CNTNAP4: variants seen among roughly 807,000 people sequenced by gnomAD.
The protein encoded by CNTNAP4 is contactin-associated protein-like 4.
CNTNAP4 carries 98 observed loss-of-function variants against 148.4 expected under a neutral mutation model. That is an observed-to-expected ratio of 0.66 (90% confidence interval 0.56 to 0.78). The LOEUF (loss-of-function observed/expected upper bound fraction) is 0.78. Ranked by LOEUF, CNTNAP4 falls within the 30% of genes least tolerant of loss-of-function variation. CNTNAP4 has a pLI of 0.00. For missense variants in CNTNAP4, 1,935 were observed against 1,565.6 expected (o/e 1.24, Z -3.98); for synonymous variants, 730 against 565.1 (o/e 1.29, Z -4.14).
chr16:76,335,187 C>T (rs1170684023), intron 2 of CNTNAP4, among the ~76,000 whole-genome samples: 1 of 152,092 alleles, frequency 6.6e-6, no homozygotes. Context: ...GCTGGTTGAT[C>T]TTGTAAAAGG....
chr16:76,385,547 AGTGTGTGTGTGTGTGTGT>A (rs3035895), intron 3 of CNTNAP4, among the ~76,000 whole-genome samples: 7 of 148,892 alleles, frequency 4.7e-5, no homozygotes, highest in Admixed American at 2.0e-4. Context: ...TTTAATTAGA[AGTGTGTGTGTGTGTGTGT>A]GTGTGTGTGT....
intron 4 of CNTNAP4, among the ~76,000 whole-genome samples, chr16:76,432,890 T>C (rs943454330): frequency 1.3e-5 from 2 of 152,138 alleles, no homozygotes; most frequent in Non-Finnish European, 2.9e-5. Context: ...CTAGCCATGA[T>C]TTTATGATTT....
At chr16:76,473,846 T>G (rs562048351) in intron 10 of CNTNAP4, among the ~76,000 whole-genome samples, 88 of 6,850 alleles carry the variant, frequency 0.013, no homozygotes, top group African/African-American at 0.013. Flanking sequence ...GTAGGTTTTT[T>G]TTTTGTTTTG....
intron 8 of CNTNAP4, among the ~76,000 whole-genome samples, chr16:76,457,135 A>G (rs776327430): frequency 1.7e-4 from 26 of 152,206 alleles, no homozygotes; most frequent in Non-Finnish European, 2.5e-4. Context: ...TTCAAATTCT[A>G]TGATTTCTCC....
At position 76,546,069 on chromosome 16, in the gene CNTNAP4, A is replaced by C. The variant is rs1054038776; in HGVS notation, c.3442+5279A>C. Among the ~76,000 whole-genome samples, 4 of 152,132 alleles carry C rather than the reference A, an allele frequency of 2.6e-5. No homozygotes were observed. In the South Asian group the frequency reaches 6.2e-4, roughly 24 times the overall value. On this transcript the variant is annotated intron_variant, in intron 21 of 23. Coordinates refer to ENST00000611870, the MANE Select transcript of CNTNAP4 (RefSeq NM_033401.5). ...AGAAAAACTAAAAAGTGCCCACACC[A>C]GGAATAAGTAAAAAATAAAGCCCCG...
At chr16:76,295,017 G>C (rs1597105251) in intron 1 of CNTNAP4, among the ~76,000 whole-genome samples, 3 of 152,178 alleles carry the variant, frequency 2.0e-5, no homozygotes, top group African/African-American at 7.2e-5. Context: ...TGTGCTCAGA[G>C]GCTGTGCTCT....
rs780415859 is a variant in CNTNAP4 at position 76,539,788 on chromosome 16, A to T, written c.3290A>T (p.Asn1097Ile). 1.2e-6 allele frequency: 2 copies of T among 1,603,726 alleles called. No individual in the cohort carries two copies. Among genetic ancestry groups the T allele is most frequent in the East Asian group, 4.5e-5 (2 of 44,286 alleles). ...GATGTTGTTAACTTTGATTTTAAAAACATGGCTGATGGACAACTTCACCAC... is the reference window on the plus strand; with the variant it reads ...GATGTTGTTAACTTTGATTTTAAAATCATGGCTGATGGACAACTTCACCAC... ...EPDVVNFDFK[N>I]MADGQLHHIM... The change falls in exon 20 of 24, where the codon AAC becomes ATC. Residue 1097 changes from asparagine (N) to isoleucine (I), a missense_variant. Physicochemically the swap from Asn to Ile is moderately radical, Grantham distance 149. Coordinates refer to ENST00000611870, the MANE Select transcript of CNTNAP4 (RefSeq NM_033401.5).
chr16:76,397,941 TATACATATATATATATA>T (rs2078262888), intron 3 of CNTNAP4, among the ~76,000 whole-genome samples: 2 of 1,928 alleles, frequency 1.0e-3, no homozygotes, highest in Non-Finnish European at 2.0e-3. Context: ...TAATAGATTA[TATACATATATATATATA>T]TATATATATA....
chr16:76,288,147 G>A (rs569568924), intron 1 of CNTNAP4, among the ~76,000 whole-genome samples: 3 of 151,988 alleles, frequency 2.0e-5, no homozygotes, highest in Admixed American at 6.6e-5. Flanking sequence ...ATGAGATCTC[G>A]TGAGATATGA....
At chr16:76,389,566 G>A (rs1336802723) in intron 3 of CNTNAP4, among the ~76,000 whole-genome samples, 1 of 152,100 alleles carries the variant, frequency 6.6e-6, no homozygotes, top group Non-Finnish European at 1.5e-5. Context: ...CAATTCTCAT[G>A]CCTCGGCACC....
At chr16:76,315,958 GT>G (rs1293104430) in intron 1 of CNTNAP4, among the ~76,000 whole-genome samples, 1 of 152,082 alleles carries the variant, frequency 6.6e-6, no homozygotes, top group African/African-American at 2.4e-5. Flanking sequence ...TTTAAAGGTG[GT>G]TTTTGTTTTA....
chr16:76,357,681 T>A (rs571163611), intron 3 of CNTNAP4, among the ~76,000 whole-genome samples: 1 of 152,338 alleles, frequency 6.6e-6, no homozygotes, highest in African/African-American at 2.4e-5. Context: ...TAAATGTTTA[T>A]TGAAGCAATG....
intron 3 of CNTNAP4, among the ~76,000 whole-genome samples, chr16:76,375,199 A>T (rs1036825471): frequency 2.0e-5 from 3 of 151,978 alleles, no homozygotes; most frequent in East Asian, 3.9e-4. Flanking sequence ...AGGCGGGTGG[A>T]TAACTTGACG....
intron 1 of CNTNAP4, among the ~76,000 whole-genome samples, chr16:76,311,930 GA>G (rs756938528): frequency 1.3e-5 from 2 of 152,268 alleles, no homozygotes; most frequent in South Asian, 4.1e-4. Context: ...GTTTTAGGCT[GA>G]AATAGCTAAA....
Position 76,494,961 on chromosome 16 carries a change from A to G in CNTNAP4, c.2132A>G (p.Tyr711Cys), listed in dbSNP as rs551094444. The change falls in exon 14 of 24, where the codon TAC becomes TGC. Residue 711 changes from tyrosine (Y) to cysteine (C), a missense_variant. Coordinates refer to ENST00000611870, the MANE Select transcript of CNTNAP4 (RefSeq NM_033401.5). ...WVGRTNETQT[Y>C]WGGSSPDLQK... ...GGAAGAACCAATGAAACGCAAACCT[A>G]CTGGGGAGGTTCTTCGCCTGATCTT... The G allele has an allele frequency of 5.0e-6, 8 of 1,613,576 alleles. No individual in the cohort carries two copies. The East Asian group carries it at 1.3e-4, about 27-fold the overall frequency.
chr16:76,381,101 A>G (rs979869494), intron 3 of CNTNAP4, among the ~76,000 whole-genome samples: 1 of 152,176 alleles, frequency 6.6e-6, no homozygotes, highest in African/African-American at 2.4e-5. Context: ...AAACTTTTTT[A>G]GGAAGTTGTT....
intron 9 of CNTNAP4, among the ~76,000 whole-genome samples, chr16:76,463,273 A>G (rs2081050609): frequency 2.0e-5 from 3 of 152,218 alleles, no homozygotes; most frequent in Admixed American, 6.5e-5. Context: ...GAAGCAGTAA[A>G]AGAGATAAGG....
chr16:76,289,914 T>C (rs1350424332), intron 1 of CNTNAP4, among the ~76,000 whole-genome samples: 1 of 152,186 alleles, frequency 6.6e-6, no homozygotes, highest in African/African-American at 2.4e-5. Context: ...TTTATTATTT[T>C]CTGGTAAAAC....
chr16:76,419,930 G>C (rs376466050), intron 3 of CNTNAP4, among the ~76,000 whole-genome samples: 1 of 151,956 alleles, frequency 6.6e-6, no homozygotes, highest in Non-Finnish European at 1.5e-5. Flanking sequence ...CCCACCTCAT[G>C]ACCTTATCAA....
Sources: allele counts gnomAD v4.1 joint callset (sites outside exome capture counted in the v4.1 genomes callset), GRCh38; gene constraint gnomAD v4.1.1; transcripts MANE v1.5; gene names NCBI Gene and HGNC (gene_info 2026-07-23, HGNC 2026-07-21).